Variants in SDK1 observed in about 807,000 individuals in gnomAD.
SDK1 encodes the protein sidekick cell adhesion molecule 1, also known as protein sidekick-1.
A neutral mutation model predicts 245.5 loss-of-function variants in SDK1; 157 were observed. The observed-to-expected ratio is 0.64, with a 90% CI of 0.56 to 0.73. SDK1 has a LOEUF of 0.73. Ranked by LOEUF, SDK1 falls within the 30% of genes least tolerant of loss-of-function variation. The probability of loss-of-function intolerance (pLI) is 0.00; values close to 1 mark genes in which losing one functional copy is unlikely to be tolerated. For missense variants in SDK1, 3,583 were observed against 3,002.3 expected (o/e 1.19, Z -4.52); for synonymous variants, 1,647 against 1,278.5 (o/e 1.29, Z -6.15).
chr7:4,246,133 A>G (rs1292581035), intron 44 of SDK1, among the ~76,000 whole-genome samples: 1 of 152,166 alleles, frequency 6.6e-6, no homozygotes, highest in Non-Finnish European at 1.5e-5. Context: ...AGATGCTCCA[A>G]GGCTGATTGA....
chr7:4,193,216 ATATT>A (rs1331487293), intron 35 of SDK1, among the ~76,000 whole-genome samples: 4 of 131,064 alleles, frequency 3.1e-5, no homozygotes, highest in African/African-American at 8.5e-5. Flanking sequence ...ATTAATATAT[ATATT>A]GTATATTAAT....
At position 3,705,201 on chromosome 7, in the gene SDK1, AT is replaced by A. The variant is rs536486251; in HGVS notation, c.713+63105del. 2.6e-4 allele frequency among the ~76,000 whole-genome samples: 39 copies of A among 150,774 alleles called. 1 individual carries two copies. The highest frequency in any genetic ancestry group is 5.8e-4 in the African/African-American group (24 of 41,224). On this transcript the variant is annotated intron_variant, in intron 4 of 44. Coordinates refer to ENST00000404826, the MANE Select transcript of SDK1 (RefSeq NM_152744.4). ...GTTTTGTATCCATATGAATTTTAGTATTTTTTTTTCTAATTCCGTTAAAAAT... is the reference window on the plus strand; with the variant it reads ...GTTTTGTATCCATATGAATTTTAGTATTTTTTTTCTAATTCCGTTAAAAAT...
chr7:3,875,644 T>G (rs1012025746), intron 5 of SDK1, among the ~76,000 whole-genome samples: 1 of 152,082 alleles, frequency 6.6e-6, no homozygotes, highest in African/African-American at 2.4e-5. Flanking sequence ...TTTGTAGATG[T>G]AGAGACTCGG....
chr7:4,206,598 A>G (rs1215836052), intron 36 of SDK1, among the ~76,000 whole-genome samples: 2 of 152,216 alleles, frequency 1.3e-5, no homozygotes, highest in African/African-American at 4.8e-5. Context: ...GCAGCAGGCC[A>G]TGACAGGAGA....
At chr7:4,028,138 A>G (rs1056595224) in intron 17 of SDK1, among the ~76,000 whole-genome samples, 2 of 152,174 alleles carry the variant, frequency 1.3e-5, no homozygotes, top group East Asian at 1.9e-4. Flanking sequence ...GGAACTTGTT[A>G]GAAATACAAA....
At chr7:3,824,144 G>A (rs1368703677) in intron 5 of SDK1, among the ~76,000 whole-genome samples, 1 of 152,086 alleles carries the variant, frequency 6.6e-6, no homozygotes, top group Admixed American at 6.5e-5. Flanking sequence ...AGGGTGTGAT[G>A]TATTGAAGGA....
At chr7:3,997,326 C>T (rs902254537) in intron 14 of SDK1, among the ~76,000 whole-genome samples, 13 of 152,134 alleles carry the variant, frequency 8.5e-5, no homozygotes, top group African/African-American at 2.2e-4. Context: ...AGAGGAGCCC[C>T]GCAGTGGGTG....
chr7:3,709,146 T>A (rs1784965439), intron 4 of SDK1, among the ~76,000 whole-genome samples: 1 of 152,222 alleles, frequency 6.6e-6, no homozygotes, highest in African/African-American at 2.4e-5. Context: ...AGTGACAAAT[T>A]CTCTCAGCAT....
intron 4 of SDK1, among the ~76,000 whole-genome samples, chr7:3,658,184 C>T (rs989848151): frequency 2.6e-5 from 4 of 152,148 alleles, no homozygotes; most frequent in Non-Finnish European, 4.4e-5. Flanking sequence ...GTGTTAAGAG[C>T]CCTTTGTGAA....
At chr7:3,673,763 T>C (rs921045200) in intron 4 of SDK1, among the ~76,000 whole-genome samples, 6 of 152,190 alleles carry the variant, frequency 3.9e-5, no homozygotes, top group Non-Finnish European at 7.3e-5. Context: ...GTCAGTTCAT[T>C]ATGTGGCAGG....
At chr7:3,965,937 G>A (rs936065037) in intron 9 of SDK1, among the ~76,000 whole-genome samples, 1 of 151,952 alleles carries the variant, frequency 6.6e-6, no homozygotes, top group Admixed American at 6.6e-5. Context: ...GAGGCGGATA[G>A]GTTGGGGCTC....
At chr7:3,484,288 C>A (rs959966037) in intron 1 of SDK1, among the ~76,000 whole-genome samples, 1 of 152,160 alleles carries the variant, frequency 6.6e-6, no homozygotes, top group Non-Finnish European at 1.5e-5. Context: ...CATGTATACA[C>A]ACATTTTTTT....
chr7:3,787,783 C>G (rs1780951878), intron 4 of SDK1, among the ~76,000 whole-genome samples: 1 of 152,216 alleles, frequency 6.6e-6, no homozygotes, highest in Non-Finnish European at 1.5e-5. Flanking sequence ...AGTCAACTCT[C>G]TCTGCTGTCC....
At chr7:3,493,519 T>G (rs937796648) in intron 1 of SDK1, among the ~76,000 whole-genome samples, 4 of 152,204 alleles carry the variant, frequency 2.6e-5, no homozygotes, top group Non-Finnish European at 5.9e-5. Context: ...TTACATATAT[T>G]TACTAGGAAG....
chr7:3,805,924 GC>G (rs1779230385), intron 4 of SDK1, among the ~76,000 whole-genome samples: 2 of 151,986 alleles, frequency 1.3e-5, no homozygotes. Context: ...TGGCTCCTTT[GC>G]CCCCTCTTCT....
intron 4 of SDK1, among the ~76,000 whole-genome samples, chr7:3,646,230 G>A (rs1467176455): frequency 6.6e-6 from 1 of 152,194 alleles, no homozygotes; most frequent in Non-Finnish European, 1.5e-5. Context: ...TGTGGTGAAA[G>A]CAGTTCATTT....
chr7:3,940,203 G>GAGCCACCCTGGCTGC (rs1388769729), intron 5 of SDK1, among the ~76,000 whole-genome samples: 3 of 152,128 alleles, frequency 2.0e-5, no homozygotes, highest in Non-Finnish European at 4.4e-5. Flanking sequence ...AGGATGGCCG[G>GAGCCACCCTGGCTGC]AGCCACCCTG....
intron 20 of SDK1, among the ~76,000 whole-genome samples, chr7:4,075,291 C>T (rs1010396193): frequency 7.2e-5 from 11 of 152,200 alleles, no homozygotes; most frequent in South Asian, 2.1e-4. Flanking sequence ...CCAGGCTGTA[C>T]GGGGCCTGTG....
chr7:3,875,326 T>C (rs1781050154), intron 5 of SDK1, among the ~76,000 whole-genome samples: 1 of 152,224 alleles, frequency 6.6e-6, no homozygotes, highest in African/African-American at 2.4e-5. Flanking sequence ...GCTCTCTACC[T>C]CTAGGAGCTG....
Sources: gnomAD v4.1 joint callset for allele counts (sites outside exome capture counted in the v4.1 genomes callset) on GRCh38, gnomAD v4.1.1 for gene constraint, MANE v1.5 for transcripts, NCBI Gene and HGNC (gene_info 2026-07-23, HGNC 2026-07-21) for gene names.